Variants in MYO5A observed in about 807,000 individuals in gnomAD.
MYO5A encodes the protein myosin VA.
In MYO5A, 98 loss-of-function variants were observed where a neutral mutation model predicts 249.7. The observed-to-expected ratio is 0.39, with a 90% CI of 0.33 to 0.46. The LOEUF (loss-of-function observed/expected upper bound fraction) is 0.46, where lower values mean the gene tolerates loss of function less well. Among genes scored for constraint, MYO5A ranks in the 20% least tolerant of loss-of-function variants. The probability of loss-of-function intolerance (pLI) is 0.98; values close to 1 mark genes in which losing one functional copy is unlikely to be tolerated. For synonymous variants in MYO5A, 778 were observed against 810.6 expected (o/e 0.96, Z 0.68); for missense variants, 1,696 against 2,308.8 (o/e 0.73, Z 5.44).
At chr15:52,442,917 A>C (rs138424806) in intron 1 of MYO5A, among the ~76,000 whole-genome samples, 6 of 152,052 alleles carry the variant, frequency 3.9e-5, no homozygotes, top group Non-Finnish European at 7.4e-5. Context: ...CATGCCACCA[A>C]TCCTGGCTAA....
Position 52,379,713 on chromosome 15 carries a change from A to T in MYO5A, c.2120T>A (p.Phe707Tyr). ...FPSRWTYQEF[F>Y]SRYRVLMKQK... Reference sequence around the variant, plus strand: ...CTTCATTAGGACACGGTAGCGGCTGAAAAATTCTTGGTAAGTCCACCTATT... The same window carrying T: ...CTTCATTAGGACACGGTAGCGGCTGTAAAATTCTTGGTAAGTCCACCTATT... Residue 707 changes from phenylalanine (F) to tyrosine (Y), a missense_variant, in exon 18 of 42, where the codon TTC (phenylalanine) becomes TAC (tyrosine). By Grantham distance (22) the Phe-to-Tyr change is conservative. Coordinates refer to ENST00000399233, the MANE Select transcript of MYO5A (RefSeq NM_001382347.1). The T allele has an allele frequency of 6.2e-7, 1 of 1,614,160 alleles. No individual in the cohort carries two copies.
At chr15:52,480,904 C>T (rs145321912) in intron 1 of MYO5A, among the ~76,000 whole-genome samples, 12 of 152,288 alleles carry the variant, frequency 7.9e-5, no homozygotes, top group African/African-American at 2.2e-4. Context: ...CAAGTACTTA[C>T]TGAGTACCAA....
rs1463526163 is a variant in MYO5A, at chr15:52,519,628, T to A, written c.27+9152A>T. Among the ~76,000 whole-genome samples the A allele has an allele frequency of 7.4e-4, 112 of 150,848 alleles. 1 individual carries two copies. The highest frequency in any genetic ancestry group is 2.5e-3 in the African/African-American group (102 of 41,212). ...CCTTGTCTAAAAAAAATAATAATAA[T>A]AATAATAATAATAATACATGAAAAA... On this transcript the variant is annotated intron_variant, in intron 1 of 41. Transcript: ENST00000399233.
chr15:52,476,403 A>G (rs1237336289), intron 1 of MYO5A, among the ~76,000 whole-genome samples: 1 of 152,128 alleles, frequency 6.6e-6, no homozygotes, highest in Non-Finnish European at 1.5e-5. Context: ...TTTAAGGTTA[A>G]TATTCTTATG....
At chr15:52,393,583 C>T (rs1042781422) in intron 11 of MYO5A, among the ~76,000 whole-genome samples, 2 of 151,996 alleles carry the variant, frequency 1.3e-5, no homozygotes, top group Non-Finnish European at 2.9e-5. Context: ...TTAGTAGAGA[C>T]GGGGTTTCAC....
intron 1 of MYO5A, among the ~76,000 whole-genome samples, chr15:52,492,842 G>A (rs1402243487): frequency 2.0e-5 from 3 of 152,158 alleles, no homozygotes; most frequent in African/African-American, 7.2e-5. Flanking sequence ...TTGGGGCCCG[G>A]GCACATGGGA....
intron 1 of MYO5A, among the ~76,000 whole-genome samples, chr15:52,504,624 G>C (rs1004716372): frequency 6.6e-6 from 1 of 152,138 alleles, no homozygotes; most frequent in Non-Finnish European, 1.5e-5. Flanking sequence ...ACAGAACGCT[G>C]GGCGAGGTGG....
At chr15:52,390,431 G>A (rs2042169280) in intron 12 of MYO5A, among the ~76,000 whole-genome samples, 1 of 151,448 alleles carries the variant, frequency 6.6e-6, no homozygotes, top group Non-Finnish European at 1.5e-5. Context: ...AAAAAATTCT[G>A]TCAAATAAAG....
At chr15:52,496,991 T>C (rs761508256) in intron 1 of MYO5A, among the ~76,000 whole-genome samples, 1 of 152,176 alleles carries the variant, frequency 6.6e-6, no homozygotes, top group Non-Finnish European at 1.5e-5. Flanking sequence ...CAGAGTCATC[T>C]TGCTCTGTCA....
At chr15:52,314,977 G>A (rs763883325) in intron 40 of MYO5A, among the ~76,000 whole-genome samples, 5 of 152,142 alleles carry the variant, frequency 3.3e-5, no homozygotes, top group Admixed American at 6.5e-5. Flanking sequence ...TGATCTATAG[G>A]AAAATAAATT....
intron 36 of MYO5A, among the ~76,000 whole-genome samples, chr15:52,325,828 A>C (rs2038578641): frequency 6.6e-6 from 1 of 152,354 alleles, no homozygotes; most frequent in Non-Finnish European, 1.5e-5. Context: ...AAATTAAAAA[A>C]AAATTAAAAT....
At chr15:52,394,737 T>A (rs1451987843) in intron 11 of MYO5A, among the ~76,000 whole-genome samples, 2 of 152,222 alleles carry the variant, frequency 1.3e-5, no homozygotes, top group African/African-American at 4.8e-5. Flanking sequence ...TGGCATTGCT[T>A]CCTTACATTC....
At chr15:52,430,751 T>C (rs1056727154) in intron 2 of MYO5A, among the ~76,000 whole-genome samples, 1 of 152,280 alleles carries the variant, frequency 6.6e-6, no homozygotes, top group East Asian at 1.9e-4. Context: ...ATCTGCTTCT[T>C]ATAATAGGGT....
In MYO5A at chr15:52,401,131, C is replaced by T. The variant is rs1335031837; in HGVS notation, c.1054-3665G>A. On this transcript the variant is annotated intron_variant, in intron 9 of 41. Coordinates refer to ENST00000399233, the MANE Select transcript of MYO5A (RefSeq NM_001382347.1). Reference sequence around the variant, plus strand: ...TATCCTCCAGGCTGGAGTGCAGTGGCGCGATCTTGGCTCACTGTAACCTCC... The same window carrying T: ...TATCCTCCAGGCTGGAGTGCAGTGGTGCGATCTTGGCTCACTGTAACCTCC... Among the ~76,000 whole-genome samples the T allele has an allele frequency of 2.2e-5, 3 of 138,468 alleles. No individual in the cohort carries two copies. In the East Asian group the frequency reaches 6.3e-4, roughly 29 times the overall value. The allele number at this position is 138,468 out of a possible 152,430, so 90.8% of individuals were successfully genotyped here.
At chr15:52,328,571 G>T (rs2038721664) in intron 35 of MYO5A, among the ~76,000 whole-genome samples, 2 of 152,208 alleles carry the variant, frequency 1.3e-5, no homozygotes, top group African/African-American at 2.4e-5. Context: ...CTGCTGGGCT[G>T]CTGCAATAGC....
intron 25 of MYO5A, among the ~76,000 whole-genome samples, chr15:52,355,103 T>G (rs932854919): frequency 6.6e-6 from 1 of 152,222 alleles, no homozygotes; most frequent in Non-Finnish European, 1.5e-5. Context: ...ATTCCCATAT[T>G]TAAATTGTTT....
intron 36 of MYO5A, among the ~76,000 whole-genome samples, chr15:52,326,773 G>GT (rs994046324): frequency 3.9e-5 from 6 of 152,134 alleles, no homozygotes; most frequent in African/African-American, 1.4e-4. Context: ...ATTTGAAAGA[G>GT]TCCACTGGCA....
chr15:52,334,530 A>G (rs542717068), intron 34 of MYO5A, among the ~76,000 whole-genome samples: 1 of 152,368 alleles, frequency 6.6e-6, no homozygotes, highest in Non-Finnish European at 1.5e-5. Flanking sequence ...GATTATATAT[A>G]AAGTGTGACT....
At chr15:52,495,005 T>C (rs1000278380) in intron 1 of MYO5A, among the ~76,000 whole-genome samples, 1 of 152,230 alleles carries the variant, frequency 6.6e-6, no homozygotes, top group Admixed American at 6.5e-5. Context: ...CAAGTTTCAA[T>C]GTTAGCTAGC....
Sources: allele counts gnomAD v4.1 joint callset (sites outside exome capture counted in the v4.1 genomes callset), GRCh38; gene constraint gnomAD v4.1.1; transcripts MANE v1.5; gene names NCBI Gene and HGNC (gene_info 2026-07-23, HGNC 2026-07-21).